The following CPVL variants were observed in gnomAD, a reference collection of about 807,000 sequenced individuals.
CPVL encodes carboxypeptidase vitellogenic like, also known as probable serine carboxypeptidase CPVL.
CPVL carries 51 observed loss-of-function variants against 63.7 expected under a neutral mutation model. The ratio of observed to expected loss-of-function variants is 0.80; its 90% CI spans 0.64 to 1.01. The LOEUF (loss-of-function observed/expected upper bound fraction) is 1.01, where lower values mean the gene tolerates loss of function less well. Among genes scored for constraint, CPVL ranks in the 50% least tolerant of loss-of-function variants. The pLI is 0.00. For synonymous variants in CPVL, 195 were observed against 206.0 expected, an observed-to-expected ratio of 0.95 and a Z score of 0.46; for missense variants, 530 against 573.1, an observed-to-expected ratio of 0.92 and a Z score of 0.77.
intron 12 of CPVL, among the ~76,000 whole-genome samples, chr7:29,022,069 G>T (rs908978138): frequency 3.9e-5 from 6 of 152,244 alleles, no homozygotes; most frequent in African/African-American, 1.2e-4. Flanking sequence ...GCCTGCCTGG[G>T]GCTGTTGCCA....
chr7:29,164,171 G>C (rs1389937997), intron 5 of CPVL, among the ~76,000 whole-genome samples: 7 of 152,144 alleles, frequency 4.6e-5, no homozygotes, highest in Non-Finnish European at 4.4e-5. Flanking sequence ...CACTTATTGT[G>C]TCTTTTTGAT....
intron 3 of CPVL, 57 bp from the exon 4 acceptor site, chr7:29,096,274 C>T: frequency 7.3e-7 from 1 of 1,375,470 alleles, no homozygotes. Flanking sequence ...GGCTACAGAA[C>T]ACACACAAGC....
rs146197700 is a variant in CPVL at position 29,167,893 on chromosome 7, A to G, written c.-11+13397T>C. ...GGCTGGAGCAATTACTTACTGATGC[A>G]AAAACCCCCATGCTTTCCTTCCCTC... On this transcript the variant is annotated intron_variant, in intron 5 of 16. Coordinates refer to the CPVL transcript ENST00000409850. Among the ~76,000 whole-genome samples the G allele has an allele frequency of 1.7e-3, 265 of 152,318 alleles. 7 individuals carry two copies. The East Asian group carries it at 0.047, about 27-fold the overall frequency.
At chr7:29,011,951 G>T (rs992821006) in intron 12 of CPVL, 2 of 152,122 alleles carry the variant, frequency 1.3e-5, no homozygotes, top group African/African-American at 4.8e-5. Flanking sequence ...TATAATGGAA[G>T]GAAATGTGAA....
At chr7:29,139,410 G>A (rs1791603218) in intron 1 of CPVL, among the ~76,000 whole-genome samples, 1 of 152,036 alleles carries the variant, frequency 6.6e-6, no homozygotes, top group Non-Finnish European at 1.5e-5. Flanking sequence ...TTGAGTCACA[G>A]GGATGATTCA....
In CPVL at chr7:29,041,179, T is replaced by G. The variant is rs1156885345; in HGVS notation, c.1138-10420A>C. 1.8e-4 allele frequency among the ~76,000 whole-genome samples: 26 copies of G among 146,992 alleles called. No homozygotes were observed. The Admixed American group carries it at 1.8e-3, about 10-fold the overall frequency. ...CAGGGTCTTGCTCTGTCACCCAGGC[T>G]GGAGTGCAGTGGTGCGATCTCGGCT... On this transcript the variant is annotated intron_variant, in intron 11 of 12. Coordinates refer to ENST00000265394, the MANE Select transcript of CPVL (RefSeq NM_031311.5).
At chr7:29,164,858 T>C (rs2128716489) in intron 5 of CPVL, among the ~76,000 whole-genome samples, 1 of 151,918 alleles carries the variant, frequency 6.6e-6, no homozygotes, top group African/African-American at 2.4e-5. Context: ...CTGATATATA[T>C]GTGTGGGTCT....
At chr7:29,183,979 C>T (rs1329562142) in intron 4 of CPVL, among the ~76,000 whole-genome samples, 2 of 151,948 alleles carry the variant, frequency 1.3e-5, no homozygotes, top group Non-Finnish European at 2.9e-5. Flanking sequence ...TGTAAGTAAT[C>T]TAGACATGAT....
intron 11 of CPVL, among the ~76,000 whole-genome samples, chr7:29,033,831 G>A (rs1356896850): frequency 2.0e-5 from 3 of 152,142 alleles, no homozygotes. Flanking sequence ...TGCTTTTAGA[G>A]ACTTCTTTTA....
chr7:29,077,254 T>C (rs144399832), intron 7 of CPVL, among the ~76,000 whole-genome samples: 40 of 152,292 alleles, frequency 2.6e-4, no homozygotes, highest in African/African-American at 7.5e-4. Context: ...GCAGTTACTA[T>C]TGTTTCAGCT....
chr7:29,085,478 G>A (rs139075076), intron 7 of CPVL, among the ~76,000 whole-genome samples: 1,995 of 152,300 alleles, frequency 0.013, 23 homozygotes, highest in Admixed American at 0.024. Flanking sequence ...TCTTCCCTAT[G>A]GAAGAATGCC....
At chr7:29,089,007 A>T (rs553409760) in intron 6 of CPVL, among the ~76,000 whole-genome samples, 1 of 152,282 alleles carries the variant, frequency 6.6e-6, no homozygotes, top group South Asian at 2.1e-4. Flanking sequence ...ATGTGTGTTC[A>T]CAAGTGCACA....
At position 29,057,049 on chromosome 7, in the gene CPVL, C is replaced by T. The variant is rs142577712; in HGVS notation, c.1137+7012G>A. 2.7e-3 allele frequency among the ~76,000 whole-genome samples: 401 copies of T among 146,844 alleles called. 3 individuals carry two copies. The highest frequency in any genetic ancestry group is 9.3e-3 in the African/African-American group (371 of 39,780). On this transcript the variant is annotated intron_variant, in intron 11 of 12. Transcript: ENST00000265394. The stretch of plus-strand genomic sequence containing the variant: ...TGCTGCAACCTTGAACTCTTGGGGT[C>T]GAGTGATCCTCCCACCTCAGCCTCT...
intron 7 of CPVL, among the ~76,000 whole-genome samples, chr7:29,077,396 G>C (rs1784338008): frequency 6.6e-6 from 1 of 152,142 alleles, no homozygotes; most frequent in Non-Finnish European, 1.5e-5. Flanking sequence ...CAGTGATAAT[G>C]AGCAATGGCT....
chr7:29,038,583 A>C (rs1423849902), intron 11 of CPVL, among the ~76,000 whole-genome samples: 1 of 152,208 alleles, frequency 6.6e-6, no homozygotes, highest in Non-Finnish European at 1.5e-5. Context: ...AGCCACAATG[A>C]GCTAACACTT....
intron 11 of CPVL, among the ~76,000 whole-genome samples, chr7:29,034,853 G>GAAAAAAAAAAA (rs60558791): frequency 8.1e-6 from 1 of 123,974 alleles, no homozygotes; most frequent in African/African-American, 3.0e-5. Context: ...TTTTATAATG[G>GAAAAAAAAAAA]AAAAAAAAAA....
intron 5 of CPVL, among the ~76,000 whole-genome samples, chr7:29,161,013 T>C (rs559372280): frequency 6.6e-6 from 1 of 152,338 alleles, no homozygotes; most frequent in South Asian, 2.1e-4. Flanking sequence ...TTTTAAACTT[T>C]AATTTCTCAC....
intron 12 of CPVL, among the ~76,000 whole-genome samples, chr7:28,996,884 T>A (rs1351940340): frequency 6.6e-6 from 1 of 152,188 alleles, no homozygotes; most frequent in African/African-American, 2.4e-5. Context: ...AACATGTGTT[T>A]ACAGATTTTC....
intron 12 of CPVL, among the ~76,000 whole-genome samples, chr7:29,016,266 G>A (rs557555982): frequency 2.6e-5 from 4 of 151,620 alleles, no homozygotes; most frequent in South Asian, 4.2e-4. Flanking sequence ...CAGGAGAATC[G>A]CTTGAACCCA....
Sources: gnomAD v4.1 joint callset for allele counts (sites outside exome capture counted in the v4.1 genomes callset) on GRCh38, gnomAD v4.1.1 for gene constraint, MANE v1.5 for transcripts, NCBI Gene and HGNC (gene_info 2026-07-23, HGNC 2026-07-21) for gene names.